SNRPA: variants seen among roughly 807,000 people sequenced by gnomAD.
SNRPA encodes the protein U1 small nuclear ribonucleoprotein A.
A neutral mutation model predicts 24.5 loss-of-function variants in SNRPA; 10 were observed. The observed-to-expected ratio is 0.41, with a 90% CI of 0.25 to 0.69. The LOEUF is 0.69. Ranked by LOEUF, SNRPA falls within the 30% of genes least tolerant of loss-of-function variation. The probability of loss-of-function intolerance (pLI) is 0.33; values close to 1 mark genes in which losing one functional copy is unlikely to be tolerated. For missense variants in SNRPA, 283 were observed against 394.7 expected (o/e 0.72, Z 2.40); for synonymous variants, 165 against 148.4 (o/e 1.11, Z -0.81).
chr19:40,762,076 C>G (rs961434641), intron 3 of SNRPA, among the ~76,000 whole-genome samples: 9 of 152,148 alleles, frequency 5.9e-5, no homozygotes, highest in Non-Finnish European at 1.3e-4. Flanking sequence ...ACCTAGTTTT[C>G]TGTCCACTTT....
chr19:40,765,226 G>T lies in SNRPA; in HGVS notation c.*59G>T. The T allele has an allele frequency of 7.7e-7, 1 of 1,296,878 alleles. No homozygotes were observed. Among genetic ancestry groups the T allele is most frequent in the South Asian group, 1.8e-5 (1 of 55,034 alleles). 80.3% of individuals were successfully genotyped at this position (1,296,878 alleles called of 1,614,324 possible). ...TTCTGGGGCCACCCCTTTCCCCCTT[G>T]GCTCAGCCCCCTGAAGGTAAGTCCC... On this transcript the variant is annotated 3_prime_UTR_variant, in exon 6 of 6. Transcript: ENST00000243563.
chr19:40,757,637 G>A (rs1015479610), intron 2 of SNRPA, 133 bp downstream of exon 2: 8 of 833,612 alleles, frequency 9.6e-6, no homozygotes, highest in Non-Finnish European at 1.3e-5. Flanking sequence ...ACTGCACCTT[G>A]CCTCATTTAA....
In SNRPA at chr19:40,757,768, C is replaced by A. The variant is rs535168428; in HGVS notation, c.246+264C>A. ...AGCCAGCCTGGGCAACACCGTGAAA[C>A]CCTGTCTCTACTAAAATACAAAAAT... On this transcript the variant is annotated intron_variant, in intron 2 of 5. Transcript: ENST00000243563. Among the ~76,000 whole-genome samples, 3 of 151,746 alleles carry A rather than the reference C, an allele frequency of 2.0e-5. No individual in the cohort carries two copies. In the South Asian group the frequency reaches 6.3e-4, roughly 32 times the overall value.
chr19:40,754,990 T>C (rs1427213142), intron 1 of SNRPA, among the ~76,000 whole-genome samples: 1 of 152,066 alleles, frequency 6.6e-6, no homozygotes, highest in African/African-American at 2.4e-5. Flanking sequence ...AAAACAACCT[T>C]GACTGCTGTC....
intron 3 of SNRPA, among the ~76,000 whole-genome samples, chr19:40,760,433 A>C (rs1003430739): frequency 1.3e-5 from 2 of 152,230 alleles, no homozygotes; most frequent in Non-Finnish European, 2.9e-5. Flanking sequence ...GCTGGGAGAA[A>C]TCAGAGACTC....
At chr19:40,752,358 A>T (rs1250327237) in intron 1 of SNRPA, among the ~76,000 whole-genome samples, 2 of 151,698 alleles carry the variant, frequency 1.3e-5, no homozygotes, top group African/African-American at 4.8e-5. Flanking sequence ...GAAAGAAAAG[A>T]AAAAGAAACT....
At chr19:40,763,833 G>A (rs2082943438) in intron 5 of SNRPA, among the ~76,000 whole-genome samples, 158 bp downstream of exon 5, 1 of 152,144 alleles carries the variant, frequency 6.6e-6, no homozygotes, top group Non-Finnish European at 1.5e-5. Context: ...GGCTGTGGCT[G>A]GGCCCACGGC....
intron 1 of SNRPA, among the ~76,000 whole-genome samples, chr19:40,756,312 G>A (rs2082908414): frequency 6.6e-6 from 1 of 151,064 alleles, no homozygotes; most frequent in African/African-American, 2.4e-5. Flanking sequence ...TCAAATGTTT[G>A]CAGCCAGGTG....
intron 3 of SNRPA, 110 bp downstream of exon 3, chr19:40,759,720 T>A: frequency 1.1e-6 from 1 of 936,196 alleles, no homozygotes. Context: ...TTCAGACCCC[T>A]CCTTTCCATT....
intron 3 of SNRPA, among the ~76,000 whole-genome samples, chr19:40,761,018 G>T (rs796341022): frequency 6.6e-6 from 1 of 151,732 alleles, no homozygotes; most frequent in African/African-American, 2.4e-5. Flanking sequence ...CTGGAATGCA[G>T]TCGTGCAATC....
At chr19:40,758,214 G>T (rs1466158790) in intron 2 of SNRPA, among the ~76,000 whole-genome samples, 1 of 152,034 alleles carries the variant, frequency 6.6e-6, no homozygotes, top group African/African-American at 2.4e-5. Context: ...TGATCTGCCT[G>T]CCTCAGCCTC....
intron 2 of SNRPA, among the ~76,000 whole-genome samples, chr19:40,758,087 C>G (rs1250647012): frequency 6.6e-6 from 1 of 151,822 alleles, no homozygotes; most frequent in Non-Finnish European, 1.5e-5. Context: ...CTGCCTCAGC[C>G]TCCTGAGTAG....
intron 1 of SNRPA, among the ~76,000 whole-genome samples, chr19:40,753,668 A>G (rs555315430): frequency 6.6e-6 from 1 of 152,024 alleles, no homozygotes; most frequent in South Asian, 2.1e-4. Flanking sequence ...AAGTGCTGGG[A>G]TTACAGGTGT....
chr19:40,754,164 T>C (rs905779256), intron 1 of SNRPA, among the ~76,000 whole-genome samples: 2 of 141,974 alleles, frequency 1.4e-5, no homozygotes, highest in Admixed American at 7.5e-5. Context: ...AATGCAGTGG[T>C]GCGATCTCAG....
At chr19:40,754,126 CG>C (rs1245116427) in intron 1 of SNRPA, among the ~76,000 whole-genome samples, 2 of 119,866 alleles carry the variant, frequency 1.7e-5, no homozygotes, top group African/African-American at 6.1e-5. Flanking sequence ...TGAGATGAGA[CG>C]GAGTGTCGCT....
At chr19:40,751,792 C>T (rs932985344) in intron 1 of SNRPA, among the ~76,000 whole-genome samples, 1 of 152,126 alleles carries the variant, frequency 6.6e-6, no homozygotes, top group African/African-American at 2.4e-5. Flanking sequence ...CCCATCAAGC[C>T]CTGATTCCTC....
intron 1 of SNRPA, among the ~76,000 whole-genome samples, chr19:40,755,141 A>G (rs967059932): frequency 2.0e-5 from 3 of 151,038 alleles, no homozygotes; most frequent in African/African-American, 4.9e-5. Context: ...CAGTGGCGCA[A>G]TCTCTGCTCA....
At position 40,751,433 on chromosome 19, in the gene SNRPA, A is replaced by G. The variant is rs2082860384; in HGVS notation, c.25A>G (p.Asn9Asp). The G allele has an allele frequency of 1.2e-6, 2 of 1,613,546 alleles. No homozygotes were observed. The highest frequency in any genetic ancestry group is 1.7e-6 in the Non-Finnish European group (2 of 1,179,618). MAVPETRP[N>D]HTIYINNLNE... ...CATGGCAGTTCCCGAGACCCGCCCT[A>G]ACCACACTATTTATATCAACAACCT... The change falls in exon 1 of 6, where the codon AAC becomes GAC. Residue 9 changes from asparagine to aspartate, a missense_variant. Asn to Asp is a conservative substitution (Grantham distance 23, BLOSUM62 1). Around this residue, in one of 6 missense-constraint regions of SNRPA, gnomAD observed 32 missense variants for 26.8 expected, o/e 1.19. Transcript: ENST00000243563.
intron 5 of SNRPA, 41 bp from the exon 6 acceptor site, chr19:40,764,967 G>T (rs1410259066): frequency 6.7e-7 from 1 of 1,493,868 alleles, no homozygotes; most frequent in Admixed American, 2.4e-5. Flanking sequence ...GTTACGTTAG[G>T]GGGAAATGCT....
Sources: allele counts gnomAD v4.1 joint callset (sites outside exome capture counted in the v4.1 genomes callset), GRCh38; gene constraint gnomAD v4.1.1; regional missense constraint gnomAD v4.1.1; transcripts MANE v1.5; gene names NCBI Gene and HGNC (gene_info 2026-07-23, HGNC 2026-07-21).